Variants in KBTBD12 observed in about 807,000 individuals in gnomAD.
KBTBD12 encodes kelch repeat and BTB domain-containing protein 12.
KBTBD12 carries 53 observed loss-of-function variants against 58.7 expected under a neutral mutation model. The observed-to-expected ratio is 0.90, with a 90% CI of 0.72 to 1.14. The LOEUF is 1.14. Among genes scored for constraint, KBTBD12 ranks in the 50% most tolerant of loss-of-function variants. The pLI is 0.00. For synonymous variants in KBTBD12, 236 were observed against 259.8 expected, an observed-to-expected ratio of 0.91 and a Z score of 0.88; for missense variants, 704 against 751.3, an observed-to-expected ratio of 0.94 and a Z score of 0.74.
At chr3:127,920,333 T>C (rs530549324) in intron 1 of KBTBD12, among the ~76,000 whole-genome samples, 3 of 152,222 alleles carry the variant, frequency 2.0e-5, no homozygotes, top group African/African-American at 7.2e-5. Flanking sequence ...ACAGTCTTTT[T>C]CACACATTAT....
chr3:127,971,906 C>T (rs1026238946), intron 5 of KBTBD12, among the ~76,000 whole-genome samples: 2 of 152,234 alleles, frequency 1.3e-5, no homozygotes, highest in African/African-American at 4.8e-5. Flanking sequence ...TCTACCTCCT[C>T]CATCTGTCCA....
intron 5 of KBTBD12, among the ~76,000 whole-genome samples, chr3:127,973,206 A>G (rs1255005888): frequency 1.3e-5 from 2 of 152,162 alleles, no homozygotes; most frequent in African/African-American, 4.8e-5. Flanking sequence ...TCTACATTTT[A>G]CCTCCAGTTT....
At position 127,984,280 on chromosome 3, in the gene KBTBD12, G is replaced by A; in HGVS notation, c.*2G>A. The A allele has an allele frequency of 1.2e-6, 2 of 1,612,064 alleles. No individual in the cohort carries two copies. Among genetic ancestry groups the A allele is most frequent in the Non-Finnish European group, 1.7e-6 (2 of 1,179,092 alleles). On this transcript the variant is annotated 3_prime_UTR_variant, in exon 6 of 6. Coordinates refer to ENST00000405109, the MANE Select transcript of KBTBD12 (RefSeq NM_207335.4). ...GTGGAAGAAGGCAATGAGCACTAAG[G>A]TGACCTTGCTGGAGGACCTCCTGCT...
intron 5 of KBTBD12, among the ~76,000 whole-genome samples, chr3:127,974,349 G>T (rs960907651): frequency 6.6e-6 from 1 of 152,266 alleles, no homozygotes; most frequent in East Asian, 1.9e-4. Flanking sequence ...TTCTGACTGT[G>T]TTCTTCCCAG....
At chr3:127,917,411 G>A (rs540403134) in intron 1 of KBTBD12, among the ~76,000 whole-genome samples, 2 of 152,318 alleles carry the variant, frequency 1.3e-5, no homozygotes. Context: ...CACACTTCGG[G>A]AACCCTCCAC....
intron 4 of KBTBD12, among the ~76,000 whole-genome samples, chr3:127,933,643 C>T (rs1036158771): frequency 2.6e-5 from 4 of 152,040 alleles, no homozygotes; most frequent in Admixed American, 2.0e-4. Flanking sequence ...TCCAAGAGGA[C>T]CAGGCAGAAG....
At chr3:127,970,233 C>T (rs1490400406) in intron 5 of KBTBD12, among the ~76,000 whole-genome samples, 1 of 152,120 alleles carries the variant, frequency 6.6e-6, no homozygotes, top group Admixed American at 6.6e-5. Flanking sequence ...ATGAGATACA[C>T]TTCATACCCA....
At chr3:127,965,023 C>T (rs890630401) in intron 5 of KBTBD12, among the ~76,000 whole-genome samples, 1 of 152,206 alleles carries the variant, frequency 6.6e-6, no homozygotes, top group African/African-American at 2.4e-5. Context: ...TGTGCCCACT[C>T]ATGCGGCAGG....
chr3:127,928,173 C>G lies in KBTBD12; in HGVS notation c.1341+139C>G, dbSNP rs558008150. ...ATGCTTTCTGTTTTATAGAATATAACTCAAGGTTTTAAAGTGTTAAAGCAA... is the reference window on the plus strand; with the variant it reads ...ATGCTTTCTGTTTTATAGAATATAAGTCAAGGTTTTAAAGTGTTAAAGCAA... On this transcript the variant is annotated intron_variant, in intron 3 of 5. Transcript: ENST00000405109. 22 of 738,414 alleles carry G rather than the reference C, an allele frequency of 3.0e-5. No individual in the cohort carries two copies. The African/African-American group carries it at 3.5e-4, about 12-fold the overall frequency. The allele number at this position is 738,414 out of a possible 1,614,324, so 45.7% of individuals were successfully genotyped here.
At position 127,928,017 on chromosome 3, in the gene KBTBD12, G is replaced by A; in HGVS notation, c.1324G>A (p.Gly442Arg). 5 of 1,613,356 alleles carry A rather than the reference G, an allele frequency of 3.1e-6. No individual in the cohort carries two copies. Reference sequence around the variant, plus strand: ...AGTGAATAATAAACTTTATGTAATTGGAGGCTGGACCCCTCAGGTTAAGAA... The same window carrying A: ...AGTGAATAATAAACTTTATGTAATTAGAGGCTGGACCCCTCAGGTTAAGAA... ...VTVNNKLYVI[G>R]GWTPQMDLPD... The change falls in exon 3 of 6, where the codon GGA becomes AGA. Residue 442 changes from glycine to arginine, a missense_variant. By Grantham distance (125) the Gly-to-Arg change is moderately radical (BLOSUM62 -2). Coordinates refer to ENST00000405109, the MANE Select transcript of KBTBD12 (RefSeq NM_207335.4).
intron 4 of KBTBD12, among the ~76,000 whole-genome samples, chr3:127,960,969 A>G (rs1397042211): frequency 6.6e-6 from 1 of 152,180 alleles, no homozygotes; most frequent in Admixed American, 6.5e-5. Flanking sequence ...ATGGGCTTTT[A>G]TGTGAAATTT....
At chr3:127,960,552 A>T (rs1039706593) in intron 4 of KBTBD12, among the ~76,000 whole-genome samples, 1 of 152,250 alleles carries the variant, frequency 6.6e-6, no homozygotes, top group Non-Finnish European at 1.5e-5. Flanking sequence ...GACACCTCTC[A>T]TCAAAAGATT....
At chr3:127,964,104 T>TC (rs1034090705) in intron 5 of KBTBD12, among the ~76,000 whole-genome samples, 33 of 152,132 alleles carry the variant, frequency 2.2e-4, no homozygotes, top group African/African-American at 7.7e-4. Context: ...GGCACATGCC[T>TC]CCAAAGTTTG....
intron 4 of KBTBD12, among the ~76,000 whole-genome samples, chr3:127,939,004 G>C (rs1274773808): frequency 6.6e-6 from 1 of 152,186 alleles, no homozygotes; most frequent in Non-Finnish European, 1.5e-5. Flanking sequence ...TAGAAACCCG[G>C]AAGTGGCCAT....
intron 1 of KBTBD12, among the ~76,000 whole-genome samples, chr3:127,918,438 C>T (rs1167087002): frequency 6.6e-6 from 1 of 152,046 alleles, no homozygotes; most frequent in African/African-American, 2.4e-5. Context: ...GTTAGCCAGG[C>T]GCGGTGGCTC....
intron 4 of KBTBD12, among the ~76,000 whole-genome samples, chr3:127,961,376 T>C (rs1940435376): frequency 6.6e-6 from 1 of 152,230 alleles, no homozygotes; most frequent in African/African-American, 2.4e-5. Context: ...GGCACTGTAA[T>C]GGGCTAAATT....
intron 1 of KBTBD12, among the ~76,000 whole-genome samples, chr3:127,916,402 G>A (rs1001484656): frequency 6.6e-6 from 1 of 152,266 alleles, no homozygotes; most frequent in Non-Finnish European, 1.5e-5. Flanking sequence ...GTGTGGAGAC[G>A]TAATCGTATA....
intron 4 of KBTBD12, among the ~76,000 whole-genome samples, chr3:127,962,026 G>A (rs908505942): frequency 1.3e-5 from 2 of 152,196 alleles, no homozygotes; most frequent in Admixed American, 6.5e-5. Flanking sequence ...CCCAACATAT[G>A]CAGTTTGCAC....
intron 4 of KBTBD12, among the ~76,000 whole-genome samples, chr3:127,934,170 T>C (rs536430838): frequency 6.6e-6 from 1 of 152,096 alleles, no homozygotes; most frequent in East Asian, 1.9e-4. Flanking sequence ...ATCAAATATA[T>C]GTTCAAAGAA....
Sources: allele counts gnomAD v4.1 joint callset (sites outside exome capture counted in the v4.1 genomes callset), GRCh38; gene constraint gnomAD v4.1.1; transcripts MANE v1.5; gene names NCBI Gene and HGNC (gene_info 2026-07-23, HGNC 2026-07-21).